Variants in ARHGAP22 observed in about 807,000 individuals in gnomAD.
ARHGAP22 encodes the protein rho GTPase-activating protein 22.
ARHGAP22 carries 48 observed loss-of-function variants against 59.1 expected under a neutral mutation model. The ratio of observed to expected loss-of-function variants is 0.81; its 90% CI spans 0.64 to 1.03. The LOEUF (loss-of-function observed/expected upper bound fraction) is 1.03. ARHGAP22 is among the 50% of genes least tolerant of loss of function. The pLI is 0.00. For synonymous variants in ARHGAP22, 445 were observed against 416.4 expected, an observed-to-expected ratio of 1.07 and a Z score of -0.84; for missense variants, 1,015 against 958.7, an observed-to-expected ratio of 1.06 and a Z score of -0.78.
the ARHGAP22 span, chr10:48,434,999 A>C: frequency 7.1e-7 from 1 of 1,404,004 alleles, no homozygotes; most frequent in Non-Finnish European, 9.5e-7. Flanking sequence ...GTCTAGAAGC[A>C]GCAGCTGGGC....
At chr10:48,440,483 G>A in the ARHGAP22 span, among the ~76,000 whole-genome samples, 1 of 152,088 alleles carries the variant, frequency 6.6e-6, no homozygotes, top group Non-Finnish European at 1.5e-5. Context: ...GGAAATGAGA[G>A]GAGTTTCACA....
At chr10:48,619,704 G>T (rs1206254793) in intron 1 of ARHGAP22, among the ~76,000 whole-genome samples, 2 of 151,972 alleles carry the variant, frequency 1.3e-5, no homozygotes, top group Non-Finnish European at 2.9e-5. Flanking sequence ...AACACAAAAT[G>T]GATTAAAGAC....
intron 1 of ARHGAP22, among the ~76,000 whole-genome samples, chr10:48,638,043 T>G (rs1480974271): frequency 6.6e-6 from 1 of 152,200 alleles, no homozygotes; most frequent in Non-Finnish European, 1.5e-5. Flanking sequence ...CTCCCTGCTC[T>G]GGTCTCTTCT....
chr10:48,560,439 T>C (rs945363943), intron 2 of ARHGAP22, among the ~76,000 whole-genome samples: 2 of 152,204 alleles, frequency 1.3e-5, no homozygotes, highest in African/African-American at 2.4e-5. Context: ...TAAACAATTA[T>C]GTTGGGTATG....
chr10:48,454,680 G>A (rs563532912), intron 6 of ARHGAP22, among the ~76,000 whole-genome samples: 11 of 152,296 alleles, frequency 7.2e-5, no homozygotes, highest in Admixed American at 5.2e-4. Context: ...GGCCTGAGTC[G>A]GGTGTGGGGA....
chr10:48,558,017 G>A (rs1441642318), intron 2 of ARHGAP22, among the ~76,000 whole-genome samples: 1 of 152,320 alleles, frequency 6.6e-6, no homozygotes, highest in East Asian at 1.9e-4. Context: ...TTAAAACACA[G>A]AGAGTCTGGT....
intron 1 of ARHGAP22, among the ~76,000 whole-genome samples, chr10:48,630,601 T>G (rs1267097627): frequency 3.3e-5 from 5 of 152,244 alleles, no homozygotes; most frequent in African/African-American, 1.2e-4. Context: ...AGCTGTTCAT[T>G]GTTGATATAA....
At chr10:48,530,159 C>T (rs1589975786) in intron 3 of ARHGAP22, among the ~76,000 whole-genome samples, 1 of 146,662 alleles carries the variant, frequency 6.8e-6, no homozygotes, top group Non-Finnish European at 1.5e-5. Flanking sequence ...ATTGCTTGAA[C>T]CCAGGAGGCG....
In ARHGAP22 at chr10:48,453,701, G is replaced by A. The variant is rs76945474; in HGVS notation, c.867-276C>T. 8.9e-3 allele frequency among the ~76,000 whole-genome samples: 1,351 copies of A among 152,352 alleles called. 21 individuals are homozygous for A. The highest frequency in any genetic ancestry group is 0.031 in the African/African-American group (1,299 of 41,584). ...CAAATTGTAGTGGGCACAAATTCTG[G>A]GAAGTCCCAGACCCCAGTCAGCGCC... On this transcript the variant is annotated intron_variant, in intron 7 of 9. Coordinates refer to ENST00000249601, the MANE Select transcript of ARHGAP22 (RefSeq NM_021226.4).
At chr10:48,587,097 T>A (rs1280176956) in intron 1 of ARHGAP22, among the ~76,000 whole-genome samples, 1 of 152,174 alleles carries the variant, frequency 6.6e-6, no homozygotes, top group Non-Finnish European at 1.5e-5. Flanking sequence ...CCTGCCCAGA[T>A]AAGGGTGAGC....
upstream of ARHGAP22, among the ~76,000 whole-genome samples, chr10:48,655,021 TCTTTCTTTCA>T: frequency 3.1e-5 from 2 of 63,688 alleles, no homozygotes; most frequent in African/African-American, 6.0e-5. Context: ...TTTCTTTCTT[TCTTTCTTTCA>T]TTCTTTCTTT....
intron 3 of ARHGAP22, among the ~76,000 whole-genome samples, chr10:48,506,688 G>A (rs761765884): frequency 2.6e-5 from 4 of 152,040 alleles, no homozygotes; most frequent in Non-Finnish European, 4.4e-5. Context: ...AAGTGCATGC[G>A]CCCCCACCAA....
chr10:48,537,748 G>A (rs147147196), intron 3 of ARHGAP22, among the ~76,000 whole-genome samples: 4 of 152,334 alleles, frequency 2.6e-5, no homozygotes, highest in East Asian at 1.9e-4. Context: ...GCAGGCCTCC[G>A]GGAGCGGCAC....
chr10:48,446,076 C>G lies in ARHGAP22; in HGVS notation c.*315G>C, dbSNP rs538862845. The G allele has an allele frequency of 1.5e-5, 6 of 411,230 alleles. No individual in the cohort carries two copies. The highest frequency in any genetic ancestry group is 1.7e-5 in the Non-Finnish European group (4 of 230,902). 25.5% of individuals were successfully genotyped at this position (411,230 alleles called of 1,614,324 possible). Reference sequence around the variant, plus strand: ...TTTAATAAAGAAAGCTGACTGTTCCCGGTGGCTGCCTGGATCCTGGGCGCC... The same window carrying G: ...TTTAATAAAGAAAGCTGACTGTTCCGGGTGGCTGCCTGGATCCTGGGCGCC... On this transcript the variant is annotated 3_prime_UTR_variant, in exon 10 of 10. Coordinates refer to ENST00000249601, the MANE Select transcript of ARHGAP22 (RefSeq NM_021226.4).
intron 2 of ARHGAP22, among the ~76,000 whole-genome samples, chr10:48,579,685 T>C (rs2058988230): frequency 6.6e-6 from 1 of 152,190 alleles, no homozygotes; most frequent in South Asian, 2.1e-4. Context: ...TCCTCCTGTG[T>C]TGTGAGCTCT....
intron 1 of ARHGAP22, among the ~76,000 whole-genome samples, chr10:48,632,759 T>C (rs971944672): frequency 3.7e-4 from 56 of 152,208 alleles, no homozygotes; most frequent in African/African-American, 1.2e-3. Flanking sequence ...CCACCCAGGC[T>C]AGGAGCTGTG....
intron 3 of ARHGAP22, among the ~76,000 whole-genome samples, chr10:48,545,098 A>T (rs2056315794): frequency 1.3e-5 from 2 of 152,248 alleles, no homozygotes; most frequent in Admixed American, 1.3e-4. Flanking sequence ...TACATTATTA[A>T]GAACAATTTC....
chr10:48,507,053 G>A (rs1173599302), intron 3 of ARHGAP22, among the ~76,000 whole-genome samples: 1 of 152,158 alleles, frequency 6.6e-6, no homozygotes, highest in Non-Finnish European at 1.5e-5. Context: ...CACTAATTTT[G>A]GAAAACACGC....
chr10:48,631,413 C>T (rs575495873), intron 1 of ARHGAP22, among the ~76,000 whole-genome samples: 3 of 152,220 alleles, frequency 2.0e-5, no homozygotes, highest in Admixed American at 2.0e-4. Flanking sequence ...TAGAATACAC[C>T]AGTGAAACCA....
Sources: allele counts gnomAD v4.1 joint callset (sites outside exome capture counted in the v4.1 genomes callset), GRCh38; gene constraint gnomAD v4.1.1; transcripts MANE v1.5; gene names NCBI Gene and HGNC (gene_info 2026-07-23, HGNC 2026-07-21).